Variants in OSBPL10 observed in about 807,000 individuals in gnomAD.
OSBPL10 encodes oxysterol binding protein like 10, also known as oxysterol-binding protein-related protein 10.
A neutral mutation model predicts 81.7 loss-of-function variants in OSBPL10; 49 were observed. The ratio of observed to expected loss-of-function variants is 0.60; its 90% CI spans 0.48 to 0.76. OSBPL10 has a LOEUF of 0.76. Ranked by LOEUF, OSBPL10 falls within the 30% of genes least tolerant of loss-of-function variation. OSBPL10 has a pLI of 0.00. For missense variants in OSBPL10, 923 were observed against 987.8 expected (o/e 0.93, Z 0.88); for synonymous variants, 419 against 383.6 (o/e 1.09, Z -1.08).
At chr3:31,863,952 G>T (rs1304872065) in intron 3 of OSBPL10, among the ~76,000 whole-genome samples, 1 of 152,100 alleles carries the variant, frequency 6.6e-6, no homozygotes, top group East Asian at 1.9e-4. Context: ...ACTACTAACA[G>T]GTAAAGGAGA....
At chr3:31,837,333 ATATATATATATAT>A (rs1435871889) in intron 3 of OSBPL10, among the ~76,000 whole-genome samples, 3 of 17,494 alleles carry the variant, frequency 1.7e-4, no homozygotes, top group African/African-American at 6.8e-4. Flanking sequence ...ATATATATAT[ATATATATATATAT>A]ATATATATAT....
At chr3:31,717,765 C>T (rs1696492825) in intron 6 of OSBPL10, among the ~76,000 whole-genome samples, 1 of 152,178 alleles carries the variant, frequency 6.6e-6, no homozygotes, top group Admixed American at 6.5e-5. Flanking sequence ...AGGGTAATTG[C>T]AGCAATTCAT....
At chr3:32,055,291 C>T (rs1373116809) in intron 1 of OSBPL10, among the ~76,000 whole-genome samples, 2 of 147,172 alleles carry the variant, frequency 1.4e-5, no homozygotes, top group East Asian at 4.1e-4. Flanking sequence ...GCATCCTCTG[C>T]CTCCTGGGTT....
intron 1 of OSBPL10, among the ~76,000 whole-genome samples, chr3:31,880,394 A>C (rs1385112855): frequency 6.6e-6 from 1 of 152,210 alleles, no homozygotes; most frequent in Admixed American, 6.5e-5. Context: ...AAGGCAAGGA[A>C]TCCCCCTGCT....
chr3:31,795,806 C>A (rs2125437122), intron 4 of OSBPL10: 1 of 244,294 alleles, frequency 4.1e-6, no homozygotes, highest in South Asian at 7.1e-5. Flanking sequence ...TACAAGAAGT[C>A]TCACTTCCTT....
chr3:31,823,642 AC>A (rs1700032419), intron 4 of OSBPL10, among the ~76,000 whole-genome samples: 1 of 152,216 alleles, frequency 6.6e-6, no homozygotes, highest in African/African-American at 2.4e-5. Flanking sequence ...ATTCTAAAAT[AC>A]TTTATTTAAC....
At chr3:31,809,654 C>T (rs1442959725) in intron 4 of OSBPL10, among the ~76,000 whole-genome samples, 1 of 152,174 alleles carries the variant, frequency 6.6e-6, no homozygotes, top group African/African-American at 2.4e-5. Context: ...CCTTACCAGA[C>T]ACTAAAGTAT....
At chr3:31,817,294 C>G (rs1418470670) in intron 4 of OSBPL10, among the ~76,000 whole-genome samples, 1 of 152,150 alleles carries the variant, frequency 6.6e-6, no homozygotes, top group Admixed American at 6.5e-5. Flanking sequence ...TTCAGGGCCC[C>G]AAGGCTTGGC....
At chr3:32,055,452 C>T (rs1208347033) in intron 1 of OSBPL10, among the ~76,000 whole-genome samples, 3 of 151,578 alleles carry the variant, frequency 2.0e-5, no homozygotes, top group South Asian at 4.2e-4. Context: ...CACATCAGCC[C>T]CCCAAAGTGC....
At chr3:31,680,491 T>C (rs1248262309) in intron 8 of OSBPL10, among the ~76,000 whole-genome samples, 1 of 152,154 alleles carries the variant, frequency 6.6e-6, no homozygotes. Context: ...GCAGGATGGA[T>C]ACTGTGAATT....
intron 2 of OSBPL10, among the ~76,000 whole-genome samples, chr3:32,019,499 G>A (rs974533662): frequency 1.3e-5 from 2 of 152,154 alleles, no homozygotes; most frequent in African/African-American, 2.4e-5. Flanking sequence ...TGTGGTAGGA[G>A]GAAGATTCTG....
chr3:32,007,398 T>G (rs981419490), intron 2 of OSBPL10, among the ~76,000 whole-genome samples: 28 of 152,306 alleles, frequency 1.8e-4, no homozygotes, highest in African/African-American at 6.7e-4. Context: ...AATAAATGTA[T>G]TCTTTCACCA....
intron 4 of OSBPL10, among the ~76,000 whole-genome samples, chr3:31,814,398 C>T (rs1699780768): frequency 6.6e-6 from 1 of 152,160 alleles, no homozygotes; most frequent in South Asian, 2.1e-4. Context: ...AGGACGTGAC[C>T]TTCCTTGGAA....
chr3:31,676,113 TTCCCCCAAGTCCTGGGGGAGGTCAG>T (rs1700467497), intron 8 of OSBPL10, among the ~76,000 whole-genome samples: 1 of 151,984 alleles, frequency 6.6e-6, no homozygotes, highest in Admixed American at 6.6e-5. Context: ...AAGGTAAAAT[TTCCCCCAAGTCCTGGGGGAGGTCAG>T]TGAGCCTCAG....
At chr3:31,767,068 C>G (rs1698223758) in intron 4 of OSBPL10, among the ~76,000 whole-genome samples, 1 of 152,130 alleles carries the variant, frequency 6.6e-6, no homozygotes. Context: ...AGAAAACAAC[C>G]CAATTAGCTA....
chr3:31,742,143 G>C (rs1247250729), intron 5 of OSBPL10, among the ~76,000 whole-genome samples: 1 of 152,208 alleles, frequency 6.6e-6, no homozygotes, highest in African/African-American at 2.4e-5. Flanking sequence ...AAAAGCAGTA[G>C]GTGTCAGGAA....
At chr3:31,840,927 A>C (rs1700477214) in intron 3 of OSBPL10, among the ~76,000 whole-genome samples, 1 of 152,166 alleles carries the variant, frequency 6.6e-6, no homozygotes, top group Non-Finnish European at 1.5e-5. Flanking sequence ...GTTGTTTTTG[A>C]GACGGAGTTT....
chr3:31,973,735 G>A (rs7631762), intron 1 of OSBPL10, among the ~76,000 whole-genome samples: 44,502 of 152,080 alleles, frequency 0.29, 7,366 homozygotes, highest in East Asian at 0.72. Context: ...ATTCACTTAT[G>A]CACTGCTGGT....
intron 5 of OSBPL10, among the ~76,000 whole-genome samples, chr3:31,736,894 C>G (rs571868048): frequency 6.6e-4 from 101 of 152,300 alleles, no homozygotes; most frequent in Non-Finnish European, 1.3e-3. Context: ...AAGACCCTGT[C>G]TTTAAACAAA....
Sources: allele counts gnomAD v4.1 joint callset (sites outside exome capture counted in the v4.1 genomes callset), GRCh38; gene constraint gnomAD v4.1.1; transcripts MANE v1.5; gene names NCBI Gene and HGNC (gene_info 2026-07-23, HGNC 2026-07-21).